Variants in CHD9 observed in about 807,000 individuals in gnomAD.
CHD9 encodes chromodomain helicase DNA binding protein 9.
CHD9 carries 77 observed loss-of-function variants against 316.1 expected under a neutral mutation model. That is an observed-to-expected ratio of 0.24 (90% CI 0.20 to 0.29). The LOEUF is 0.29. Among genes scored for constraint, CHD9 ranks in the 10% least tolerant of loss-of-function variants. The pLI is 1.00. For missense variants in CHD9, 2,763 were observed against 3,438.1 expected (o/e 0.80, Z 4.91); for synonymous variants, 1,129 against 1,158.3 (o/e 0.97, Z 0.51).
intron 1 of CHD9, among the ~76,000 whole-genome samples, chr16:53,131,551 G>A (rs984918060): frequency 6.6e-5 from 10 of 151,374 alleles, no homozygotes; most frequent in African/African-American, 1.7e-4. Context: ...CAGCCCCCGG[G>A]GTCGGGACAC....
rs115454016 is a variant in CHD9 at position 53,076,013 on chromosome 16, C to T, written c.-165+20936C>T. ...TGATTTCCATTTCCCTAATAATTAG[C>T]GATGTCAAGCATCTTTTCATGTGCT... On this transcript the variant is annotated intron_variant, in intron 1 of 38. Coordinates refer to ENST00000447540, the MANE Select transcript of CHD9 (RefSeq NM_001308319.2). Among the ~76,000 whole-genome samples the T allele has an allele frequency of 6.0e-3, 912 of 152,156 alleles. 8 individuals are homozygous for T. The highest frequency in any genetic ancestry group is 0.021 in the African/African-American group (860 of 41,502).
At chr16:53,189,641 G>A (rs1199679350) in intron 2 of CHD9, among the ~76,000 whole-genome samples, 1 of 151,860 alleles carries the variant, frequency 6.6e-6, no homozygotes, top group African/African-American at 2.4e-5. Flanking sequence ...TCTGCAGTTT[G>A]AATTTATGAT....
At chr16:53,074,868 G>C (rs943047852) in intron 1 of CHD9, among the ~76,000 whole-genome samples, 2 of 152,230 alleles carry the variant, frequency 1.3e-5, no homozygotes, top group African/African-American at 4.8e-5. Context: ...CCCCCACACA[G>C]AGTCCCTACT....
chr16:53,109,677 C>CTTTTTTTTTTTT (rs1166073629), intron 1 of CHD9, among the ~76,000 whole-genome samples: 16 of 71,606 alleles, frequency 2.2e-4, no homozygotes, highest in Non-Finnish European at 3.0e-4. Context: ...TTCCCAGTTT[C>CTTTTTTTTTTTT]TTTTTTTTTT....
intron 34 of CHD9, 107 bp from the exon 35 acceptor site, chr16:53,314,270 A>G: frequency 1.4e-6 from 1 of 704,034 alleles, no homozygotes; most frequent in Non-Finnish European, 2.2e-6. Flanking sequence ...TACATTAAAG[A>G]TGTATAAAAT....
intron 1 of CHD9, among the ~76,000 whole-genome samples, chr16:53,093,020 C>T (rs747174902): frequency 6.6e-5 from 10 of 152,338 alleles, no homozygotes; most frequent in Admixed American, 1.3e-4. Flanking sequence ...CGCAAGCCAT[C>T]CTCCTGCCTT....
At chr16:53,101,920 T>C (rs1202480492) in intron 1 of CHD9, among the ~76,000 whole-genome samples, 1 of 152,132 alleles carries the variant, frequency 6.6e-6, no homozygotes, top group African/African-American at 2.4e-5. Context: ...ATCTGAAATT[T>C]GTAGAGAGAT....
intron 1 of CHD9, among the ~76,000 whole-genome samples, chr16:53,105,549 G>A (rs2037275180): frequency 6.6e-6 from 1 of 152,108 alleles, no homozygotes; most frequent in Non-Finnish European, 1.5e-5. Flanking sequence ...CACTTAGGTT[G>A]TTTCCAAACT....
intron 1 of CHD9, among the ~76,000 whole-genome samples, chr16:53,148,673 C>T (rs2040840866): frequency 6.6e-6 from 1 of 152,136 alleles, no homozygotes; most frequent in African/African-American, 2.4e-5. Flanking sequence ...GTTCTTTGCC[C>T]ATTTTTAAAT....
intron 1 of CHD9, among the ~76,000 whole-genome samples, chr16:53,078,572 A>G (rs2034752272): frequency 6.6e-6 from 1 of 152,216 alleles, no homozygotes; most frequent in South Asian, 2.1e-4. Context: ...AAAACAGACT[A>G]AGTATTATTT....
intron 1 of CHD9, chr16:53,121,902 CTG>C (rs1427729969): frequency 1.3e-5 from 2 of 152,528 alleles, no homozygotes; most frequent in Non-Finnish European, 2.9e-5. Context: ...GCTGAATCAA[CTG>C]AAGTTCCTTT....
intron 11 of CHD9, among the ~76,000 whole-genome samples, chr16:53,237,972 C>A (rs1285551428): frequency 6.6e-6 from 1 of 151,946 alleles, no homozygotes; most frequent in Non-Finnish European, 1.5e-5. Context: ...AGATACACAC[C>A]CCTGAAAGGC....
intron 12 of CHD9, among the ~76,000 whole-genome samples, chr16:53,241,171 A>G (rs930732829): frequency 3.3e-5 from 5 of 152,142 alleles, no homozygotes; most frequent in Non-Finnish European, 7.4e-5. Flanking sequence ...AGAACACCCA[A>G]CTGTTCTTAT....
chr16:53,208,024 AT>A (rs2046019657), intron 2 of CHD9: 1 of 995,190 alleles, frequency 1.0e-6, no homozygotes, highest in Non-Finnish European at 1.2e-6. Context: ...TTGTGCATTC[AT>A]TTCTTTCTGT....
chr16:53,219,421 A>G (rs2047048206), intron 3 of CHD9, among the ~76,000 whole-genome samples: 2 of 152,232 alleles, frequency 1.3e-5, no homozygotes, highest in South Asian at 4.1e-4. Flanking sequence ...GGCTGAAGAC[A>G]GAACTTTGAG....
chr16:53,272,577 A>G (rs2052375496), intron 22 of CHD9, among the ~76,000 whole-genome samples: 1 of 152,230 alleles, frequency 6.6e-6, no homozygotes, highest in Non-Finnish European at 1.5e-5. Context: ...GAGGTGGTAT[A>G]GTTATGTAAT....
intron 1 of CHD9, among the ~76,000 whole-genome samples, chr16:53,131,630 C>T (rs537233834): frequency 1.3e-5 from 2 of 151,948 alleles, no homozygotes; most frequent in Non-Finnish European, 2.9e-5. Flanking sequence ...GGCGGGCCCT[C>T]TTCCCCGTCC....
At chr16:53,311,268 C>A (rs767353788) in intron 34 of CHD9, 2 of 151,742 alleles carry the variant, frequency 1.3e-5, no homozygotes, top group African/African-American at 4.8e-5. Flanking sequence ...ATTATCTAAG[C>A]ATTTTATCTT....
At chr16:53,086,705 T>C (rs1282140737) in intron 1 of CHD9, among the ~76,000 whole-genome samples, 1 of 152,214 alleles carries the variant, frequency 6.6e-6, no homozygotes, top group South Asian at 2.1e-4. Context: ...ATTATCCTTT[T>C]AAAAATTACT....
Sources: gnomAD v4.1 joint callset for allele counts (sites outside exome capture counted in the v4.1 genomes callset) on GRCh38, gnomAD v4.1.1 for gene constraint, MANE v1.5 for transcripts, NCBI Gene and HGNC (gene_info 2026-07-23, HGNC 2026-07-21) for gene names.